The following GMEB2 variants were observed in gnomAD, a reference collection of about 807,000 sequenced individuals.
GMEB2 encodes the protein glucocorticoid modulatory element binding protein 2, also known as glucocorticoid modulatory element-binding protein 2.
GMEB2 carries 7 observed loss-of-function variants against 45.7 expected under a neutral mutation model. The observed-to-expected ratio is 0.15, with a 90% confidence interval of 0.09 to 0.29. The LOEUF (loss-of-function observed/expected upper bound fraction) is 0.29, where lower values mean the gene tolerates loss of function less well. Among genes scored for constraint, GMEB2 ranks in the 10% least tolerant of loss-of-function variants. The pLI is 1.00. For missense variants in GMEB2, 582 were observed against 739.2 expected, an observed-to-expected ratio of 0.79 and a Z score of 2.47; for synonymous variants, 322 against 323.6, an observed-to-expected ratio of 1.00 and a Z score of 0.05.
At chr20:63,598,683 T>C (rs1282484428) in intron 4 of GMEB2, among the ~76,000 whole-genome samples, 1 of 152,110 alleles carries the variant, frequency 6.6e-6, no homozygotes, top group Non-Finnish European at 1.5e-5. Flanking sequence ...TCATGACCCC[T>C]GTGCCACAGA....
chr20:63,593,160 C>A lies in GMEB2; in HGVS notation c.620-78G>T. 1 of 821,120 alleles carries A rather than the reference C, an allele frequency of 1.2e-6. No individual in the cohort carries two copies. Among genetic ancestry groups the A allele is most frequent in the East Asian group, 2.6e-5 (1 of 39,090 alleles). 50.9% of individuals were successfully genotyped at this position (821,120 alleles called of 1,614,324 possible). On this transcript the variant is annotated intron_variant, in intron 6 of 9. Coordinates refer to ENST00000370077, the MANE Select transcript of GMEB2 (RefSeq NM_012384.5). This position sits in a 1 kb window ranked among gnomAD's most constrained non-coding sequence, Gnocchi z 4.7. ...CCCCACATACCCTGTCCACCCTCCT[C>A]ACACCACCTTCTGAACCTTTCCATC...
intron 1 of GMEB2, among the ~76,000 whole-genome samples, chr20:63,623,767 A>C (rs113637533): frequency 2.8e-4 from 42 of 151,588 alleles, no homozygotes; most frequent in African/African-American, 9.4e-4. Context: ...CACTGCACTC[A>C]AGCCTGGGTG....
chr20:63,606,047 TA>T (rs1374481294), intron 2 of GMEB2, among the ~76,000 whole-genome samples: 2 of 152,160 alleles, frequency 1.3e-5, no homozygotes, highest in East Asian at 3.8e-4. Context: ...TTTCTGTCTT[TA>T]ATAAAGTGTT....
At chr20:63,610,387 G>A (rs2146081647) in intron 2 of GMEB2, among the ~76,000 whole-genome samples, 1 of 152,316 alleles carries the variant, frequency 6.6e-6, no homozygotes, top group South Asian at 2.1e-4. Context: ...CGGGCGTGGT[G>A]GCGGGCGCCT....
At chr20:63,615,529 G>C (rs1295439464) in intron 2 of GMEB2, among the ~76,000 whole-genome samples, 2 of 152,070 alleles carry the variant, frequency 1.3e-5, no homozygotes, top group African/African-American at 4.8e-5. Context: ...GTTTCACTAT[G>C]TTGCTCGGGC....
At chr20:63,591,617 C>T (rs978152293) in intron 9 of GMEB2, among the ~76,000 whole-genome samples, 1 of 152,188 alleles carries the variant, frequency 6.6e-6, no homozygotes, top group Non-Finnish European at 1.5e-5. Context: ...GCACACACCA[C>T]CATGCCCAGT....
intron 1 of GMEB2, among the ~76,000 whole-genome samples, chr20:63,624,355 G>A (rs1455466461): frequency 1.3e-5 from 2 of 151,610 alleles, no homozygotes; most frequent in African/African-American, 2.4e-5. Context: ...CTCGAACTCC[G>A]GAGGCAGAGG....
intron 4 of GMEB2, among the ~76,000 whole-genome samples, chr20:63,598,340 T>A (rs2083215163): frequency 1.5e-5 from 1 of 68,814 alleles, no homozygotes; most frequent in Admixed American, 1.7e-4. Flanking sequence ...CTGCTCTCAC[T>A]CTGACACACA....
In GMEB2 at chr20:63,595,601, T is replaced by C. The variant is rs1569049060; in HGVS notation, c.619+9A>G. ...GGCTGGGTCAGGACGAGCAGCCCTG[T>C]GCACCTACCGTCGGCTGCGGCGGGC... is the stretch of plus-strand genomic sequence containing the variant. On this transcript the variant is annotated intron_variant, in intron 6 of 9. Coordinates refer to ENST00000370077, the MANE Select transcript of GMEB2 (RefSeq NM_012384.5). The C allele has an allele frequency of 6.3e-7, 1 of 1,598,962 alleles. No individual in the cohort carries two copies. Among genetic ancestry groups the C allele is most frequent in the Non-Finnish European group, 8.5e-7 (1 of 1,173,646 alleles).
chr20:63,592,252 G>C lies in GMEB2; in HGVS notation c.830-108C>G, dbSNP rs1231338698. On this transcript the variant is annotated intron_variant, in intron 8 of 9. Transcript: ENST00000370077. The surrounding 1 kb of genome is among the most constrained non-coding windows in gnomAD (Gnocchi z 8.2). The stretch of plus-strand genomic sequence containing the variant: ...TTCCTAGAGAGTCACGTGGACGCTC[G>C]GTGAGAGCCTGGGCTCTTCCTAGAG... 1 of 1,056,392 alleles carries C rather than the reference G, an allele frequency of 9.5e-7. No individual in the cohort carries two copies. Among genetic ancestry groups the C allele is most frequent in the African/African-American group, 1.6e-5 (1 of 63,012 alleles). 65.4% of individuals were successfully genotyped at this position (1,056,392 alleles called of 1,614,324 possible).
intron 1 of GMEB2, among the ~76,000 whole-genome samples, chr20:63,626,160 TAC>T (rs1197108436): frequency 9.9e-5 from 15 of 150,784 alleles, no homozygotes; most frequent in African/African-American, 3.2e-4. Context: ...CCTGTGAGCC[TAC>T]AGTGACGCGG....
intron 1 of GMEB2, among the ~76,000 whole-genome samples, chr20:63,620,964 A>G (rs946551977): frequency 1.3e-5 from 2 of 152,234 alleles, no homozygotes; most frequent in Non-Finnish European, 2.9e-5. Flanking sequence ...AGAGGAAAGC[A>G]AACATTGTCA....
intron 2 of GMEB2, among the ~76,000 whole-genome samples, chr20:63,614,008 G>A (rs1488396979): frequency 6.6e-6 from 1 of 152,094 alleles, no homozygotes; most frequent in African/African-American, 2.4e-5. Context: ...CCCCTAGGAT[G>A]TGAAGGCCGC....
chr20:63,591,321 C>T (rs2083145600), intron 9 of GMEB2, among the ~76,000 whole-genome samples: 1 of 152,086 alleles, frequency 6.6e-6, no homozygotes, highest in African/African-American at 2.4e-5. Flanking sequence ...ATTGAACACA[C>T]AGTGAACACG....
At position 63,593,618 on chromosome 20, in the gene GMEB2, C is replaced by T. The variant is rs2083170209; in HGVS notation, c.620-536G>A. 6.6e-6 allele frequency among the ~76,000 whole-genome samples: 1 copy of T among 152,196 alleles called. No homozygotes were observed. Among genetic ancestry groups the T allele is most frequent in the South Asian group, 2.1e-4 (1 of 4,832 alleles). On this transcript the variant is annotated intron_variant, in intron 6 of 9. Transcript: ENST00000370077. The surrounding 1 kb of genome is among the most constrained non-coding windows in gnomAD (Gnocchi z 4.7). ...TTGAGAGACAGAAACCGTCCTGGCT[C>T]TTCCTGTGGGTCCCTCTCTCGCGCC...
In GMEB2 at chr20:63,619,394, C is replaced by A. The variant is rs1400719551; in HGVS notation, c.4G>T (p.Ala2Ser). The change falls in exon 2 of 10, where the codon GCG becomes TCG. Residue 2 changes from alanine to serine, a missense_variant. Physicochemically the swap from Ala to Ser is moderately conservative, Grantham distance 99. Coordinates refer to ENST00000370077, the MANE Select transcript of GMEB2 (RefSeq NM_012384.5). The surrounding 1 kb of genome is among the most constrained non-coding windows in gnomAD (Gnocchi z 4.6). ...ATGTGCACACTCACGTCGGGAGTCG[C>A]CATGGCTCAGCGGAAGGGGACGCCC... MATPDVSVHMEE... is the reference protein window; with the variant it reads MSTPDVSVHMEE... 2.5e-6 allele frequency: 4 copies of A among 1,610,514 alleles called. No homozygotes were observed. The highest frequency in any genetic ancestry group is 3.4e-6 in the Non-Finnish European group (4 of 1,179,700).
chr20:63,623,308 T>A (rs1479095624), intron 1 of GMEB2, among the ~76,000 whole-genome samples: 1 of 152,140 alleles, frequency 6.6e-6, no homozygotes, highest in African/African-American at 2.4e-5. Context: ...CAGCTGCTGG[T>A]GGGCAATTTC....
At chr20:63,611,653 C>T (rs763328173) in intron 2 of GMEB2, among the ~76,000 whole-genome samples, 4 of 151,146 alleles carry the variant, frequency 2.6e-5, no homozygotes, top group East Asian at 3.9e-4. Flanking sequence ...AGTGTGATCT[C>T]GCAAGGAACA....
Position 63,589,182 on chromosome 20 carries a change from G to C in GMEB2, c.*907C>G, listed in dbSNP as rs2146037511. 2.5e-6 allele frequency: 1 copy of C among 399,214 alleles called. No individual in the cohort carries two copies. Among genetic ancestry groups the C allele is most frequent in the Non-Finnish European group, 4.4e-6 (1 of 226,118 alleles). The allele number at this position is 399,214 out of a possible 1,614,324, so 24.7% of individuals were successfully genotyped here. A position where few individuals can be genotyped will look rare whatever the true frequency, so the allele number is the denominator to read the frequency against. On this transcript the variant is annotated 3_prime_UTR_variant, in exon 10 of 10. Transcript: ENST00000370077. ...CTCTGCCCCAGGACTGAAGCCCTAG[G>C]GACACACCTCATGGATCTCAGACCC...
Sources: allele counts gnomAD v4.1 joint callset (sites outside exome capture counted in the v4.1 genomes callset), GRCh38; gene constraint gnomAD v4.1.1; non-coding constraint Gnocchi (gnomAD v3.1); transcripts MANE v1.5; gene names NCBI Gene and HGNC (gene_info 2026-07-23, HGNC 2026-07-21).